CRHBP: variants seen among roughly 807,000 people sequenced by gnomAD.
CRHBP encodes corticotropin-releasing hormone-binding protein.
In CRHBP, 19 loss-of-function variants were observed where a neutral mutation model predicts 34.9. The ratio of observed to expected loss-of-function variants is 0.55; its 90% CI spans 0.38 to 0.80. The LOEUF (loss-of-function observed/expected upper bound fraction) is 0.80, where lower values mean the gene tolerates loss of function less well. Among genes scored for constraint, CRHBP ranks in the 30% least tolerant of loss-of-function variants. CRHBP has a pLI of 0.00. For missense variants in CRHBP, 328 were observed against 409.2 expected (o/e 0.80, Z 1.71); for synonymous variants, 154 against 153.4 (o/e 1.00, Z -0.03).
At position 76,954,026 on chromosome 5, in the gene CRHBP, C is replaced by G; in HGVS notation, c.176-3C>G. 6.2e-7 allele frequency: 1 copy of G among 1,611,648 alleles called. No homozygotes were observed. ...CTTATTGCCCCATGCCCTCCTCCCC[C>G]AGGGTGCCTGGACATGCTGAGCCTC... On this transcript the variant is annotated splice_region_variant and splice_polypyrimidine_tract_variant and intron_variant, in intron 2 of 6. Transcript: ENST00000274368.
At chr5:76,966,886 A>G (rs1357919424) in intron 6 of CRHBP, among the ~76,000 whole-genome samples, 1 of 152,232 alleles carries the variant, frequency 6.6e-6, no homozygotes. Flanking sequence ...AAAATAGGAC[A>G]TGTTATAAAG....
At chr5:76,975,825 A>AAAAAAAAAAAAAATATATATATATAT in intron 2 of CRHBP, among the ~76,000 whole-genome samples, 2 of 61,830 alleles carry the variant, frequency 3.2e-5, no homozygotes, top group Non-Finnish European at 5.5e-5. Context: ...AAAAAAAAAA[A>AAAAAAAAAAAAAATATATATATATAT]ATATATATAT....
chr5:76,954,212 T>C (rs1183642969), intron 3 of CRHBP, 26 bp downstream of exon 3: 2 of 1,606,146 alleles, frequency 1.2e-6, no homozygotes, highest in Non-Finnish European at 1.7e-6. Context: ...CCAGCCAACC[T>C]AGCCGGAGGG....
rs146359925 is a variant in CRHBP, at chr5:76,969,015, GCACA to G, written c.*143_*146del. 34 of 860,294 alleles carry G rather than the reference GCACA, an allele frequency of 4.0e-5. No individual in the cohort carries two copies. The highest frequency in any genetic ancestry group is 6.9e-5 in the African/African-American group (4 of 57,676). The allele number at this position is 860,294 out of a possible 1,614,324, so 53.3% of individuals were successfully genotyped here. A position where few individuals can be genotyped will look rare whatever the true frequency, so the allele number is the denominator to read the frequency against. ...TATTCCCAGCCTTGAGCGCACGCGC[GCACA>G]CACACACACACATACACACACGCAT... is the stretch of plus-strand genomic sequence containing the variant. On this transcript the variant is annotated 3_prime_UTR_variant, in exon 7 of 7. Transcript: ENST00000274368.
At chr5:76,978,576 T>A (rs1746073795) in intron 3 of CRHBP, among the ~76,000 whole-genome samples, 1 of 152,218 alleles carries the variant, frequency 6.6e-6, no homozygotes. Flanking sequence ...TCATTGACAA[T>A]GCACCTGGTC....
downstream of CRHBP, among the ~76,000 whole-genome samples, chr5:76,969,934 CTTTTTTTTTTTTTTTTT>C (rs201228247): frequency 7.1e-4 from 44 of 61,634 alleles, no homozygotes; most frequent in South Asian, 0.02. Context: ...AAAGAAAATT[CTTTTTTTTTTTTTTTTT>C]TTTTTTTTTT....
intron 6 of CRHBP, 43 bp downstream of exon 6, chr5:76,963,503 T>TAA: frequency 7.0e-7 from 1 of 1,431,196 alleles, no homozygotes; most frequent in Non-Finnish European, 9.6e-7. Flanking sequence ...CTATCAAGAT[T>TAA]AAAAAAAAAT....
chr5:76,957,790 A>G (rs1281897255), intron 4 of CRHBP, among the ~76,000 whole-genome samples: 1 of 152,250 alleles, frequency 6.6e-6, no homozygotes, highest in Non-Finnish European at 1.5e-5. Flanking sequence ...ATCACTTAAC[A>G]TGCAGCAAAT....
intron 6 of CRHBP, among the ~76,000 whole-genome samples, chr5:76,964,497 A>G (rs1745829893): frequency 6.6e-6 from 1 of 152,364 alleles, no homozygotes. Flanking sequence ...TAGAATTAAC[A>G]TACAGTCAGC....
intron 2 of CRHBP, 32 bp downstream of exon 2, chr5:76,953,726 C>T (rs763283291): frequency 7.6e-6 from 12 of 1,570,542 alleles, no homozygotes; most frequent in South Asian, 1.2e-5. Flanking sequence ...CGCGGGCGCC[C>T]GGGACGCGGG....
intron 3 of CRHBP, among the ~76,000 whole-genome samples, chr5:76,979,945 C>G (rs976816333): frequency 6.6e-6 from 1 of 152,086 alleles, no homozygotes; most frequent in Non-Finnish European, 1.5e-5. Flanking sequence ...AGAAGTAAAT[C>G]ACACAGTTAG....
intron 3 of CRHBP, among the ~76,000 whole-genome samples, chr5:76,977,946 T>G (rs1040428325): frequency 3.3e-5 from 5 of 152,208 alleles, no homozygotes; most frequent in Non-Finnish European, 7.3e-5. Flanking sequence ...ACAGCCTTAT[T>G]GCTGATGTGG....
intron 2 of CRHBP, chr5:76,976,246 G>A (rs1746033771): frequency 6.6e-6 from 1 of 152,166 alleles, no homozygotes; most frequent in Non-Finnish European, 1.5e-5. Context: ...CTCCATTAAA[G>A]CTACCTGGAC....
chr5:76,963,101 GAAA>G, intron 5 of CRHBP: 1 of 411,156 alleles, frequency 2.4e-6, no homozygotes, highest in African/African-American at 2.0e-5. Context: ...TAAAAAAAAT[GAAA>G]AAAACATGTA....
At position 76,955,215 on chromosome 5, in the gene CRHBP, G is replaced by C. The variant is rs949152278; in HGVS notation, c.334-438G>C. Among the ~76,000 whole-genome samples the C allele has an allele frequency of 3.9e-5, 6 of 152,142 alleles. 1 individual carries two copies. The highest frequency in any genetic ancestry group is 5.9e-5 in the Non-Finnish European group (4 of 68,022). ...ATTAGCAGGTAAAGTTGCTGCTCCAGTTTTTTCTTTTGCTATCTATTTTCA... is the reference window on the plus strand; with the variant it reads ...ATTAGCAGGTAAAGTTGCTGCTCCACTTTTTTCTTTTGCTATCTATTTTCA... On this transcript the variant is annotated intron_variant, in intron 3 of 6. Transcript: ENST00000274368.
intron 3 of CRHBP, among the ~76,000 whole-genome samples, chr5:76,977,996 G>A (rs766796770): frequency 2.6e-5 from 4 of 152,178 alleles, no homozygotes; most frequent in Non-Finnish European, 4.4e-5. Flanking sequence ...CAGCCACAGC[G>A]TTCCTTTAAG....
chr5:76,954,075 CG>C lies in CRHBP; in HGVS notation c.223del (p.Asp75ThrfsTer36). On this transcript the variant is annotated frameshift_variant, in exon 3 of 7. Coordinates refer to ENST00000274368, the MANE Select transcript of CRHBP (RefSeq NM_001882.4). LOFTEE classifies it high-confidence loss of function. ...SLQGQFTFTA[D>X]RPQLHCAAFF... ...TCCAGGGCCAGTTCACCTTCACCGCCGACCGGCCGCAGCTGCACTGCGCAGC... is the reference window on the plus strand; with the variant it reads ...TCCAGGGCCAGTTCACCTTCACCGCCACCGGCCGCAGCTGCACTGCGCAGC... 2 of 1,613,986 alleles carry C rather than the reference CG, an allele frequency of 1.2e-6. No individual in the cohort carries two copies. The highest frequency in any genetic ancestry group is 1.7e-6 in the Non-Finnish European group (2 of 1,179,940).
At chr5:76,953,891 C>A in intron 2 of CRHBP, 138 bp from the exon 3 acceptor site, 1 of 1,236,714 alleles carries the variant, frequency 8.1e-7, no homozygotes, top group Non-Finnish European at 1.1e-6. Context: ...GCGCAGGAAC[C>A]CAGCGCAGCC....
chr5:76,969,173 T>G lies in CRHBP; in HGVS notation c.*288T>G, dbSNP rs1157834481. 3 of 271,182 alleles carry G rather than the reference T, an allele frequency of 1.1e-5. No homozygotes were observed. The highest frequency in any genetic ancestry group is 1.4e-5 in the Non-Finnish European group (2 of 145,162). 16.8% of individuals were successfully genotyped at this position (271,182 alleles called of 1,614,324 possible). A position where few individuals can be genotyped will look rare whatever the true frequency, so the allele number is the denominator to read the frequency against. On this transcript the variant is annotated 3_prime_UTR_variant, in exon 7 of 7. Coordinates refer to ENST00000274368, the MANE Select transcript of CRHBP (RefSeq NM_001882.4). ...GTAATTCTTTGATGTGCTACAAACC[T>G]GAAACTGGTAAGACAAGCACAAAGC...
Sources: allele counts gnomAD v4.1 joint callset (sites outside exome capture counted in the v4.1 genomes callset), GRCh38; gene constraint gnomAD v4.1.1; transcripts MANE v1.5; gene names NCBI Gene and HGNC (gene_info 2026-07-23, HGNC 2026-07-21).